TAS2R1: variants seen among roughly 807,000 people sequenced by gnomAD.
The protein encoded by TAS2R1 is taste 2 receptor member 1.
For missense variants in TAS2R1, 370 were observed against 353.4 expected, an observed-to-expected ratio of 1.05 and a Z score of -0.38; for synonymous variants, 141 against 134.2, an observed-to-expected ratio of 1.05 and a Z score of -0.35.
upstream of TAS2R1, among the ~76,000 whole-genome samples, chr5:9,716,755 G>A (rs974247853): frequency 5.9e-5 from 9 of 152,022 alleles, no homozygotes; most frequent in Non-Finnish European, 1.5e-5. Context: ...TTCTCTGAAG[G>A]GGAAAAAATG....
At chr5:9,644,926 C>A (rs1312126102) in intron 2 of TAS2R1, among the ~76,000 whole-genome samples, 1 of 151,976 alleles carries the variant, frequency 6.6e-6, no homozygotes, top group African/African-American at 2.4e-5. Flanking sequence ...TTTGCTGTTT[C>A]ATTTAGAATT....
the TAS2R1 span, among the ~76,000 whole-genome samples, chr5:9,801,648 C>T: frequency 6.6e-6 from 1 of 152,120 alleles, no homozygotes; most frequent in Non-Finnish European, 1.5e-5. Context: ...CAGTCCTGGT[C>T]ACTGGCCGCC....
the TAS2R1 span, among the ~76,000 whole-genome samples, chr5:9,775,441 G>A: frequency 6.6e-6 from 1 of 151,464 alleles, no homozygotes; most frequent in Non-Finnish European, 1.5e-5. Context: ...CTGAGCTGGT[G>A]GTACCTGAGG....
intron 1 of TAS2R1, among the ~76,000 whole-genome samples, chr5:9,711,591 A>G (rs1304918713): frequency 6.6e-6 from 1 of 152,212 alleles, no homozygotes; most frequent in Non-Finnish European, 1.5e-5. Flanking sequence ...CTGCTGCACA[A>G]CAGTGTGCTT....
chr5:9,654,773 C>A (rs1740376882), intron 2 of TAS2R1, among the ~76,000 whole-genome samples: 1 of 152,084 alleles, frequency 6.6e-6, no homozygotes, highest in South Asian at 2.1e-4. Flanking sequence ...AGTAAAGATA[C>A]AGAACAATAA....
chr5:9,874,074 T>A, the TAS2R1 span, among the ~76,000 whole-genome samples: 1 of 151,906 alleles, frequency 6.6e-6, no homozygotes, highest in Non-Finnish European at 1.5e-5. Context: ...GAGTTGGAGT[T>A]TATTTTAGGA....
At chr5:9,817,641 A>C in the TAS2R1 span, among the ~76,000 whole-genome samples, 83 of 152,330 alleles carry the variant, frequency 5.4e-4, no homozygotes, top group African/African-American at 1.9e-3. Flanking sequence ...AAAGCAAAAC[A>C]AAACTAGAAG....
At chr5:9,796,218 C>T in the TAS2R1 span, among the ~76,000 whole-genome samples, 3 of 152,328 alleles carry the variant, frequency 2.0e-5, no homozygotes, top group African/African-American at 4.8e-5. Context: ...CAAGACCACA[C>T]AGTAGACACA....
intron 1 of TAS2R1, among the ~76,000 whole-genome samples, chr5:9,696,061 A>G (rs1692969466): frequency 6.6e-6 from 1 of 152,210 alleles, no homozygotes; most frequent in Non-Finnish European, 1.5e-5. Flanking sequence ...GGAAAGTTTC[A>G]GATTGTATAA....
chr5:9,882,350 G>C, the TAS2R1 span, among the ~76,000 whole-genome samples: 42 of 152,314 alleles, frequency 2.8e-4, 1 homozygote, highest in Non-Finnish European at 4.9e-4. Context: ...AGAAATGGCT[G>C]GGCGCAGTGG....
intron 1 of TAS2R1, among the ~76,000 whole-genome samples, chr5:9,680,548 A>T (rs1232236907): frequency 2.0e-5 from 3 of 152,184 alleles, no homozygotes; most frequent in South Asian, 2.1e-4. Flanking sequence ...AAATGAGATT[A>T]AAAAATGGCA....
the TAS2R1 span, among the ~76,000 whole-genome samples, chr5:9,819,388 G>T: frequency 2.5e-3 from 374 of 152,286 alleles, 3 homozygotes; most frequent in African/African-American, 8.2e-3. Flanking sequence ...TAAGGTGAAG[G>T]TTTCTGCAAC....
the TAS2R1 span, among the ~76,000 whole-genome samples, chr5:9,736,534 T>C: frequency 6.6e-6 from 1 of 152,210 alleles, no homozygotes; most frequent in Non-Finnish European, 1.5e-5. Context: ...CCAGAGTTTC[T>C]CAATGGCACC....
chr5:9,816,782 T>C, the TAS2R1 span, among the ~76,000 whole-genome samples: 3 of 152,244 alleles, frequency 2.0e-5, no homozygotes, highest in East Asian at 5.8e-4. Context: ...ATTCTAATAA[T>C]AGTATAACTG....
the TAS2R1 span, among the ~76,000 whole-genome samples, chr5:9,893,886 G>C: frequency 6.6e-6 from 1 of 152,160 alleles, no homozygotes; most frequent in Non-Finnish European, 1.5e-5. Flanking sequence ...GAGAACTGCT[G>C]CCAAAACACA....
chr5:9,789,159 G>A, the TAS2R1 span, among the ~76,000 whole-genome samples: 1 of 152,036 alleles, frequency 6.6e-6, no homozygotes, highest in Non-Finnish European at 1.5e-5. Context: ...GAGGAAAACG[G>A]GCATCAACCC....
chr5:9,876,767 G>T, the TAS2R1 span, among the ~76,000 whole-genome samples: 1 of 152,186 alleles, frequency 6.6e-6, no homozygotes, highest in African/African-American at 2.4e-5. Context: ...GACTAAAAGA[G>T]ACAGTGACAA....
At chr5:9,690,583 C>A (rs894924792) in intron 1 of TAS2R1, among the ~76,000 whole-genome samples, 2 of 151,988 alleles carry the variant, frequency 1.3e-5, no homozygotes, top group Admixed American at 1.3e-4. Context: ...CGTTGTCAGC[C>A]CAATCAAGTC....
the TAS2R1 span, among the ~76,000 whole-genome samples, chr5:9,850,000 C>T: frequency 2.0e-5 from 3 of 152,164 alleles, no homozygotes; most frequent in Non-Finnish European, 4.4e-5. Flanking sequence ...TCTCACAGTT[C>T]GTGCTAAGTC....
Sources: allele counts gnomAD v4.1 joint callset (sites outside exome capture counted in the v4.1 genomes callset), GRCh38; gene constraint gnomAD v4.1.1; transcripts MANE v1.5; gene names NCBI Gene and HGNC (gene_info 2026-07-23, HGNC 2026-07-21).